Variants in AKAP9 observed in about 807,000 individuals in gnomAD.
AKAP9 encodes A-kinase anchoring protein 9, also known as A-kinase anchor protein 9.
In AKAP9, 311 loss-of-function variants were observed where a neutral mutation model predicts 488.5. That is an observed-to-expected ratio of 0.64 (90% CI 0.58 to 0.70). The LOEUF (loss-of-function observed/expected upper bound fraction) is 0.70. Among genes scored for constraint, AKAP9 ranks in the 30% least tolerant of loss-of-function variants. AKAP9 has a pLI of 0.00. For missense variants in AKAP9, 4,215 were observed against 4,374.5 expected (o/e 0.96, Z 1.03); for synonymous variants, 1,462 against 1,483.5 (o/e 0.99, Z 0.33).
intron 1 of AKAP9, among the ~76,000 whole-genome samples, chr7:91,941,594 C>T (rs1790767095): frequency 6.6e-6 from 1 of 152,078 alleles, no homozygotes; most frequent in Non-Finnish European, 1.5e-5. Context: ...AGGTAGCACG[C>T]TGGCACTCTT....
intron 8 of AKAP9, among the ~76,000 whole-genome samples, chr7:92,011,049 TTTC>T (rs1221392527): frequency 6.6e-6 from 1 of 152,142 alleles, no homozygotes; most frequent in Non-Finnish European, 1.5e-5. Context: ...AGAAGGGAAA[TTTC>T]TTAACCGCAG....
chr7:91,955,950 A>G (rs1339350505), intron 1 of AKAP9, among the ~76,000 whole-genome samples: 1 of 152,096 alleles, frequency 6.6e-6, no homozygotes, highest in African/African-American at 2.4e-5. Flanking sequence ...ATTTTTTTCT[A>G]AGTTTACTTT....
Position 92,082,653 on chromosome 7 carries a change from A to C in AKAP9, c.8151A>C (p.Glu2717Asp). ...AAGAAAAGGCTGAAAAACTTCAAGAAGAGCTTTTGGTAAGATAAGTAACAT... is the reference window on the plus strand; with the variant it reads ...AAGAAAAGGCTGAAAAACTTCAAGACGAGCTTTTGGTAAGATAAGTAACAT... ...SYKEKAEKLQEELLVKETNMT... is the reference protein window; with the variant it reads ...SYKEKAEKLQDELLVKETNMT... Residue 2717 changes from glutamate to aspartate, a missense_variant, in exon 32 of 50, where the codon GAA becomes GAC. Physicochemically the swap from Glu to Asp is conservative, Grantham distance 45. Around this residue, in one of 5 missense-constraint regions of AKAP9, gnomAD observed 1,476 missense variants for 1,477.4 expected, o/e 1.00. Coordinates refer to ENST00000356239, the MANE Select transcript of AKAP9 (RefSeq NM_005751.5). The C allele has an allele frequency of 6.2e-7, 1 of 1,613,956 alleles. No homozygotes were observed. The highest frequency in any genetic ancestry group is 8.5e-7 in the Non-Finnish European group (1 of 1,179,904).
chr7:91,982,091 A>G (rs971412087), intron 3 of AKAP9, among the ~76,000 whole-genome samples: 1 of 152,126 alleles, frequency 6.6e-6, no homozygotes, highest in African/African-American at 2.4e-5. Flanking sequence ...TACAATTTGT[A>G]TAGCTGTTTT....
At chr7:92,064,934 A>C (rs930011359) in intron 24 of AKAP9, among the ~76,000 whole-genome samples, 29 of 151,806 alleles carry the variant, frequency 1.9e-4, no homozygotes, top group Admixed American at 6.6e-4. Flanking sequence ...TAGTAAAAAT[A>C]GATTTTTTTT....
intron 45 of AKAP9, among the ~76,000 whole-genome samples, chr7:92,102,059 G>T (rs2130911862): frequency 6.6e-6 from 1 of 152,124 alleles, no homozygotes; most frequent in East Asian, 1.9e-4. Context: ...GGAAGGCTGA[G>T]GCAGGAGAAT....
rs60778133 is a variant in AKAP9, at chr7:91,998,418, C to CTTTTTTTT, written c.931-2400_931-2393dup. Among the ~76,000 whole-genome samples, 221 of 53,986 alleles carry CTTTTTTTT rather than the reference C, an allele frequency of 4.1e-3. 70 individuals carry two copies. The highest frequency in any genetic ancestry group is 7.1e-3 in the Non-Finnish European group (179 of 25,218). The allele number at this position is 53,986 out of a possible 152,430, so 35.4% of individuals were successfully genotyped here. A position where few individuals can be genotyped will look rare whatever the true frequency, so the allele number is the denominator to read the frequency against. ...AGATAGTGTATTCAACCACAGGGCT[C>CTTTTTTTT]TTTTTTTTTTTTTTTTTTTTTTTTT... On this transcript the variant is annotated intron_variant, in intron 7 of 49. Coordinates refer to ENST00000356239, the MANE Select transcript of AKAP9 (RefSeq NM_005751.5).
intron 1 of AKAP9, among the ~76,000 whole-genome samples, chr7:91,943,965 G>A (rs1584506929): frequency 6.6e-6 from 1 of 151,980 alleles, no homozygotes; most frequent in Admixed American, 6.6e-5. Context: ...ATCTTTTTGG[G>A]GGTAATTTAT....
Position 92,001,021 on chromosome 7 carries a change from A to G in AKAP9, c.1104A>G (p.Gln368=), listed in dbSNP as rs773837141. Residue 368 remains glutamine, a synonymous_variant, in exon 8 of 50, where the codon CAA becomes CAG. Transcript: ENST00000356239. ...LLGELQEQIV[Q]KNQEIKNMKL... The stretch of plus-strand genomic sequence containing the variant: ...GAGAATTACAAGAACAGATTGTGCA[A>G]AAGAACCAAGAAATAAAAAACATGA... 2.5e-6 allele frequency: 4 copies of G among 1,571,276 alleles called. No individual in the cohort carries two copies. The highest frequency in any genetic ancestry group is 2.4e-5 in the East Asian group (1 of 42,278).
chr7:92,070,815 A>AG (rs959121018), intron 27 of AKAP9, 90 bp from the exon 28 acceptor site: 15 of 849,862 alleles, frequency 1.8e-5, no homozygotes, highest in Non-Finnish European at 2.8e-5. Context: ...TCAAAAAAAA[A>AG]AAAAAAAAAA....
Position 92,079,884 on chromosome 7 carries a change from C to A in AKAP9, c.7751C>A (p.Thr2584Lys). The change falls in exon 31 of 50, where the codon ACA becomes AAA. Residue 2584 changes from threonine to lysine, a missense_variant. This residue lies in a region of AKAP9 where 1,476 missense variants were observed against 1,477.4 expected (regional missense o/e 1.00). Transcript: ENST00000356239. ...NQTISSEPER[T>K]NIQNLNQLRE... ...ACAATTTCATCAGAACCTGAAAGAACAAATATTCAGAATTTAAATCAACTA... is the reference window on the plus strand; with the variant it reads ...ACAATTTCATCAGAACCTGAAAGAAAAAATATTCAGAATTTAAATCAACTA... 6.2e-7 allele frequency: 1 copy of A among 1,613,884 alleles called. No homozygotes were observed. Among genetic ancestry groups the A allele is most frequent in the Non-Finnish European group, 8.5e-7 (1 of 1,179,928 alleles).
At chr7:92,060,555 T>C (rs1165839840) in intron 22 of AKAP9, among the ~76,000 whole-genome samples, 1 of 152,172 alleles carries the variant, frequency 6.6e-6, no homozygotes, top group African/African-American at 2.4e-5. Flanking sequence ...TTAAGCCTTC[T>C]ATCATCTTAA....
intron 44 of AKAP9, 109 bp downstream of exon 44, chr7:92,099,978 T>G: frequency 9.5e-7 from 1 of 1,056,898 alleles, no homozygotes; most frequent in East Asian, 2.5e-5. Flanking sequence ...ACACACCTGA[T>G]TCTTAGGATC....
intron 21 of AKAP9, among the ~76,000 whole-genome samples, chr7:92,048,735 C>T (rs1396632160): frequency 6.6e-6 from 1 of 152,134 alleles, no homozygotes; most frequent in Admixed American, 6.5e-5. Flanking sequence ...GGTGAAACCC[C>T]GTCTCTACTA....
In AKAP9 at chr7:91,995,977, G is replaced by A. The variant is rs115345317; in HGVS notation, c.930+177G>A. On this transcript the variant is annotated intron_variant, in intron 7 of 49. Transcript: ENST00000356239. Reference sequence around the variant, plus strand: ...CAGTAATGTAGTTTTTAAGATAATAGTCATTACTGAGTTCCCTAAAAGTGA... The same window carrying A: ...CAGTAATGTAGTTTTTAAGATAATAATCATTACTGAGTTCCCTAAAAGTGA... The A allele has an allele frequency of 3.3e-3, 2,044 of 618,388 alleles. 44 individuals are homozygous for A. The African/African-American group carries it at 0.034, about 10-fold the overall frequency. 38.3% of individuals were successfully genotyped at this position (618,388 alleles called of 1,614,324 possible).
Position 92,079,407 on chromosome 7 carries a change from A to C in AKAP9, c.7274A>C (p.Gln2425Pro), listed in dbSNP as rs150229698. 2 of 1,614,112 alleles carry C rather than the reference A, an allele frequency of 1.2e-6. No homozygotes were observed. The highest frequency in any genetic ancestry group is 1.7e-5 in the Admixed American group (1 of 60,026). The change falls in exon 31 of 50, where the codon CAG becomes CCG. Residue 2425 changes from glutamine (Q) to proline (P), a missense_variant. Gln to Pro is a moderately conservative substitution (Grantham distance 76). This residue lies in a region of AKAP9 where 1,476 missense variants were observed against 1,477.4 expected (regional missense o/e 1.00). Coordinates refer to ENST00000356239, the MANE Select transcript of AKAP9 (RefSeq NM_005751.5). ...VLKETNFKMN[Q>P]LTQELFSLKR... Reference sequence around the variant, plus strand: ...AAAGAAACCAATTTTAAAATGAATCAGCTAACACAGGAATTATTCAGCTTA... The same window carrying C: ...AAAGAAACCAATTTTAAAATGAATCCGCTAACACAGGAATTATTCAGCTTA...
rs1221327683 is a variant in AKAP9, at chr7:92,014,119, A to G, written c.3533-130A>G. Reference sequence around the variant, plus strand: ...GAGACAATGTTGAGCAATGGAAAATAACTCAAAGAAATAAAGAATTTAAAA... The same window carrying G: ...GAGACAATGTTGAGCAATGGAAAATGACTCAAAGAAATAAAGAATTTAAAA... On this transcript the variant is annotated intron_variant, in intron 9 of 49. Transcript: ENST00000356239. 5 of 705,426 alleles carry G rather than the reference A, an allele frequency of 7.1e-6. No individual in the cohort carries two copies. In the East Asian group the frequency reaches 1.1e-4, roughly 16 times the overall value. The allele number at this position is 705,426 out of a possible 1,614,324, so 43.7% of individuals were successfully genotyped here.
intron 40 of AKAP9, 125 bp downstream of exon 40, chr7:92,095,298 T>G (rs1455526066): frequency 1.2e-5 from 12 of 1,041,840 alleles, no homozygotes; most frequent in Non-Finnish European, 1.4e-6. Flanking sequence ...TTGTTCACTG[T>G]GCATTGAATA....
chr7:92,004,751 C>T (rs573073491), intron 8 of AKAP9, among the ~76,000 whole-genome samples: 23 of 152,234 alleles, frequency 1.5e-4, no homozygotes, highest in African/African-American at 2.9e-4. Context: ...TATACAATCA[C>T]GTCATCTGCA....
Sources: allele counts gnomAD v4.1 joint callset (sites outside exome capture counted in the v4.1 genomes callset), GRCh38; gene constraint gnomAD v4.1.1; regional missense constraint gnomAD v4.1.1; transcripts MANE v1.5; gene names NCBI Gene and HGNC (gene_info 2026-07-23, HGNC 2026-07-21).